The following CFLAR variants were observed in gnomAD, a reference collection of about 807,000 sequenced individuals.
CFLAR encodes the protein CASP8 and FADD-like apoptosis regulator.
CFLAR carries 14 observed loss-of-function variants against 51.1 expected under a neutral mutation model. That is an observed-to-expected ratio of 0.27 (90% CI 0.18 to 0.43). The LOEUF is 0.43. Among genes scored for constraint, CFLAR ranks in the 20% least tolerant of loss-of-function variants. The pLI, the probability that CFLAR is intolerant of heterozygous loss-of-function variation, is 1.00. For missense variants in CFLAR, 390 were observed against 566.5 expected (o/e 0.69, Z 3.16); for synonymous variants, 210 against 211.6 (o/e 0.99, Z 0.06).
intron 5 of CFLAR, chr2:201,144,127 G>T (rs900995670): frequency 6.6e-6 from 1 of 152,148 alleles, no homozygotes; most frequent in Non-Finnish European, 1.5e-5. Context: ...AGTGAAAAAG[G>T]CAACTTACAT....
Position 201,163,034 on chromosome 2 carries a change from A to G in CFLAR, c.1305-801A>G, listed in dbSNP as rs747415215. The G allele has an allele frequency of 1.5e-5, 11 of 757,866 alleles. No homozygotes were observed. The South Asian group carries it at 1.5e-4, about 10-fold the overall frequency. 46.9% of individuals were successfully genotyped at this position (757,866 alleles called of 1,614,324 possible). A position where few individuals can be genotyped will look rare whatever the true frequency, so the allele number is the denominator to read the frequency against. On this transcript the variant is annotated intron_variant, in intron 9 of 9. Coordinates refer to ENST00000309955, the MANE Select transcript of CFLAR (RefSeq NM_003879.7). ...GGAAGTGGAATTACAGAGTCAAAGGACATGCATTTTTCAAGCCTCGGATGC... is the reference window on the plus strand; with the variant it reads ...GGAAGTGGAATTACAGAGTCAAAGGGCATGCATTTTTCAAGCCTCGGATGC...
intron 9 of CFLAR, among the ~76,000 whole-genome samples, chr2:201,161,738 CTTTTTTTTTTTTT>C (rs3044256): frequency 2.0e-4 from 20 of 101,270 alleles, no homozygotes; most frequent in African/African-American, 7.0e-4. Context: ...TTTAATTTTT[CTTTTTTTTTTTTT>C]TTTTTTTTTT....
chr2:201,138,079 C>A lies in CFLAR; in HGVS notation c.523+1972C>A. The A allele has an allele frequency of 1.4e-6, 1 of 732,848 alleles. No individual in the cohort carries two copies. The highest frequency in any genetic ancestry group is 1.8e-5 in the Admixed American group (1 of 54,858). 45.4% of individuals were successfully genotyped at this position (732,848 alleles called of 1,614,324 possible). A position where few individuals can be genotyped will look rare whatever the true frequency, so the allele number is the denominator to read the frequency against. On this transcript the variant is annotated intron_variant, in intron 4 of 9. Coordinates refer to ENST00000309955, the MANE Select transcript of CFLAR (RefSeq NM_003879.7). The surrounding 1 kb of genome is among the most constrained non-coding windows in gnomAD (Gnocchi z 4.0). The stretch of plus-strand genomic sequence containing the variant: ...ACTTCCTGGTTGATGTAGATGGAGC[C>A]GCGCAGTCCATGCCCCTGCCCAGCC...
At chr2:201,159,922 T>A (rs942010796) in intron 8 of CFLAR, among the ~76,000 whole-genome samples, 1 of 152,062 alleles carries the variant, frequency 6.6e-6, no homozygotes, top group Admixed American at 6.6e-5. Flanking sequence ...TTGATTGGGA[T>A]TGGAGGCTCC....
rs1225318692 is a variant in CFLAR at position 201,171,993 on chromosome 2, T to C, written c.*8020T>C. Reference sequence around the variant, plus strand: ...CCATCTCCTTCTATCCTCCATGAAGTCAGTTATCTCTTCCATTGGAATTAT... The same window carrying C: ...CCATCTCCTTCTATCCTCCATGAAGCCAGTTATCTCTTCCATTGGAATTAT... On this transcript the variant is annotated 3_prime_UTR_variant, in exon 10 of 10. Transcript: ENST00000309955. The C allele has an allele frequency of 6.6e-6, 1 of 152,198 alleles. No individual in the cohort carries two copies. The highest frequency in any genetic ancestry group is 1.5e-5 in the Non-Finnish European group (1 of 68,042). The allele number at this position is 152,198 out of a possible 1,614,324, so 9.4% of individuals were successfully genotyped here. A position where few individuals can be genotyped will look rare whatever the true frequency, so the allele number is the denominator to read the frequency against.
intron 2 of CFLAR, among the ~76,000 whole-genome samples, chr2:201,132,014 A>T (rs575643045): frequency 2.3e-4 from 35 of 152,184 alleles, no homozygotes; most frequent in African/African-American, 5.1e-4. Context: ...TATTATTATT[A>T]TTTTTTTAAT....
At chr2:201,154,756 A>G (rs754039016) in intron 8 of CFLAR, among the ~76,000 whole-genome samples, 48 of 152,392 alleles carry the variant, frequency 3.1e-4, no homozygotes, top group Admixed American at 7.2e-4. Context: ...TCCAAAAAGC[A>G]TGCAAGTCCC....
At position 201,166,153 on chromosome 2, in the gene CFLAR, C is replaced by A. The variant is rs996123668; in HGVS notation, c.*2180C>A. 6.1e-6 allele frequency: 1 copy of A among 164,544 alleles called. No individual in the cohort carries two copies. Among genetic ancestry groups the A allele is most frequent in the Non-Finnish European group, 1.3e-5 (1 of 78,210 alleles). 10.2% of individuals were successfully genotyped at this position (164,544 alleles called of 1,614,324 possible). On this transcript the variant is annotated 3_prime_UTR_variant, in exon 10 of 10. Coordinates refer to ENST00000309955, the MANE Select transcript of CFLAR (RefSeq NM_003879.7). ...GGGGCTCCTCACTTCCCAGATGGGG[C>A]GGCCAGGCGGACGCGCCCCCCACCT...
chr2:201,134,180 GGCACCTATAATCCCAGC>G (rs1398594502), intron 3 of CFLAR, among the ~76,000 whole-genome samples: 1 of 151,868 alleles, frequency 6.6e-6, no homozygotes, highest in African/African-American at 2.4e-5. Flanking sequence ...CGTGGTGGTA[GGCACCTATAATCCCAGC>G]TACAGGAGGT....
chr2:201,141,295 GT>G, intron 5 of CFLAR: 1 of 1,493,216 alleles, frequency 6.7e-7, no homozygotes, highest in Non-Finnish European at 8.9e-7. Flanking sequence ...AAAGGCAGCT[GT>G]TGTGAACTAG....
chr2:201,140,776 T>TATATAC (rs1167762045), intron 5 of CFLAR: 2 of 159,418 alleles, frequency 1.3e-5, no homozygotes, highest in African/African-American at 4.8e-5. Flanking sequence ...TATATATATA[T>TATATAC]ACATACATAC....
chr2:201,140,755 G>GTATATATA (rs1253345171), intron 5 of CFLAR: 10 of 191,524 alleles, frequency 5.2e-5, no homozygotes, highest in African/African-American at 2.4e-4. Context: ...GTATCTGTAT[G>GTATATATA]TATGTATATA....
intron 6 of CFLAR, among the ~76,000 whole-genome samples, chr2:201,146,956 C>G (rs1484435008): frequency 6.6e-6 from 1 of 152,156 alleles, no homozygotes; most frequent in Non-Finnish European, 1.5e-5. Context: ...TACTGAGAAG[C>G]GAATTAATTC....
At chr2:201,142,288 A>AG (rs1478999735) in intron 5 of CFLAR, among the ~76,000 whole-genome samples, 2 of 150,940 alleles carry the variant, frequency 1.3e-5, no homozygotes, top group African/African-American at 4.9e-5. Context: ...AAGAAAAAAA[A>AG]ATATTATATA....
At chr2:201,128,692 T>G (rs890144519) in intron 1 of CFLAR, among the ~76,000 whole-genome samples, 5 of 152,156 alleles carry the variant, frequency 3.3e-5, no homozygotes, top group African/African-American at 1.2e-4. Context: ...CAATTTAGAG[T>G]TGGGTTGTGT....
At position 201,168,368 on chromosome 2, in the gene CFLAR, C is replaced by G. The variant is rs190845710; in HGVS notation, c.*4395C>G. 6.6e-6 allele frequency: 1 copy of G among 152,254 alleles called. No homozygotes were observed. Among genetic ancestry groups the G allele is most frequent in the East Asian group, 1.9e-4 (1 of 5,190 alleles). 9.4% of individuals were successfully genotyped at this position (152,254 alleles called of 1,614,324 possible). On this transcript the variant is annotated 3_prime_UTR_variant, in exon 10 of 10. Coordinates refer to ENST00000309955, the MANE Select transcript of CFLAR (RefSeq NM_003879.7). ...TTCATCACATAAACAGAACTAAAGACAAAAACCACATGATTATCTCAATAG... is the reference window on the plus strand; with the variant it reads ...TTCATCACATAAACAGAACTAAAGAGAAAAACCACATGATTATCTCAATAG...
chr2:201,125,106 G>C (rs2048556104), intron 1 of CFLAR, among the ~76,000 whole-genome samples: 1 of 152,114 alleles, frequency 6.6e-6, no homozygotes, highest in South Asian at 2.1e-4. Flanking sequence ...TTAAAAAACA[G>C]ACATAAATGC....
chr2:201,127,083 AACAC>A (rs1415181099), intron 1 of CFLAR, among the ~76,000 whole-genome samples: 9 of 149,370 alleles, frequency 6.0e-5, no homozygotes, highest in Non-Finnish European at 1.2e-4. Context: ...AATTCTAGAA[AACAC>A]ACACAGGTGC....
At chr2:201,161,238 G>A (rs1942954507) in intron 9 of CFLAR, among the ~76,000 whole-genome samples, 1 of 152,078 alleles carries the variant, frequency 6.6e-6, no homozygotes, top group African/African-American at 2.4e-5. Flanking sequence ...GGGTGTGGTG[G>A]TGTGCGCTTA....
Sources: gnomAD v4.1 joint callset for allele counts (sites outside exome capture counted in the v4.1 genomes callset) on GRCh38, gnomAD v4.1.1 for gene constraint, Gnocchi (gnomAD v3.1) non-coding constraint, MANE v1.5 for transcripts, NCBI Gene and HGNC (gene_info 2026-07-23, HGNC 2026-07-21) for gene names.